Variants in SCTR observed in about 807,000 individuals in gnomAD.
SCTR encodes secretin receptor.
In SCTR, 56 loss-of-function variants were observed where a neutral mutation model predicts 60.8. That is an observed-to-expected ratio of 0.92 (90% CI 0.74 to 1.15). The LOEUF is 1.15. Ranked by LOEUF, SCTR falls within the 50% of genes most tolerant of loss-of-function variation. The pLI is 0.00. For missense variants in SCTR, 562 were observed against 550.4 expected, an observed-to-expected ratio of 1.02 and a Z score of -0.21; for synonymous variants, 202 against 217.0, an observed-to-expected ratio of 0.93 and a Z score of 0.61.
intron 1 of SCTR, among the ~76,000 whole-genome samples, chr2:119,521,647 A>G (rs1168401776): frequency 6.6e-6 from 1 of 152,078 alleles, no homozygotes; most frequent in Non-Finnish European, 1.5e-5. Flanking sequence ...CCCTATATGG[A>G]GTAGAGGGAG....
chr2:119,473,505 C>A lies in SCTR; in HGVS notation c.353G>T (p.Arg118Met). 1 of 1,614,142 alleles carries A rather than the reference C, an allele frequency of 6.2e-7. No individual in the cohort carries two copies. Among genetic ancestry groups the A allele is most frequent in the Non-Finnish European group, 8.5e-7 (1 of 1,179,992 alleles). ...ATTAACGCCACAGGCCAGATTAGGCCTGGGGAAGGTTTCTGACCAGCCATC... is the reference window on the plus strand; with the variant it reads ...ATTAACGCCACAGGCCAGATTAGGCATGGGGAAGGTTTCTGACCAGCCATC... ...TQDGWSETFP[R>M]PNLACGVNVN... The change falls in exon 4 of 13, where the codon AGG (arginine) becomes ATG (methionine). Residue 118 changes from arginine (R) to methionine (M), a missense_variant. Coordinates refer to ENST00000019103, the MANE Select transcript of SCTR (RefSeq NM_002980.3).
chr2:119,456,038 T>A (rs1306757527), intron 7 of SCTR, among the ~76,000 whole-genome samples: 1 of 151,478 alleles, frequency 6.6e-6, no homozygotes, highest in East Asian at 1.9e-4. Context: ...ACCCTCAAAA[T>A]TCTGGGGAAA....
At chr2:119,523,751 G>GT (rs1679365518) in intron 1 of SCTR, among the ~76,000 whole-genome samples, 1 of 151,998 alleles carries the variant, frequency 6.6e-6, no homozygotes, top group Non-Finnish European at 1.5e-5. Context: ...TTCTTTGTCT[G>GT]TAAAGTGACG....
Position 119,500,442 on chromosome 2 carries a change from T to C in SCTR, c.73-5894A>G, listed in dbSNP as rs540012322. 6.6e-5 allele frequency among the ~76,000 whole-genome samples: 10 copies of C among 152,360 alleles called. No individual in the cohort carries two copies. In the East Asian group the frequency reaches 1.9e-3, roughly 29 times the overall value. ...CAGTCTCATGTTTATTGCAGCACTATTCACAATAGCCAAGATATGGAATCA... is the reference window on the plus strand; with the variant it reads ...CAGTCTCATGTTTATTGCAGCACTACTCACAATAGCCAAGATATGGAATCA... On this transcript the variant is annotated intron_variant, in intron 1 of 12. Coordinates refer to ENST00000019103, the MANE Select transcript of SCTR (RefSeq NM_002980.3).
chr2:119,481,918 T>C (rs1335118548), intron 2 of SCTR, among the ~76,000 whole-genome samples: 1 of 152,200 alleles, frequency 6.6e-6, no homozygotes, highest in African/African-American at 2.4e-5. Context: ...GGTGCTGTGC[T>C]GATGGGGAGG....
intron 7 of SCTR, among the ~76,000 whole-genome samples, chr2:119,461,277 C>G (rs935525718): frequency 6.6e-6 from 1 of 152,146 alleles, no homozygotes; most frequent in Non-Finnish European, 1.5e-5. Context: ...TAAAGGCAGA[C>G]GAGGCAACAA....
chr2:119,511,202 A>T (rs1333318587), intron 1 of SCTR, among the ~76,000 whole-genome samples: 1 of 151,356 alleles, frequency 6.6e-6, no homozygotes, highest in Non-Finnish European at 1.5e-5. Flanking sequence ...TCTCTTTGAG[A>T]TCTCCGTCTC....
intron 1 of SCTR, among the ~76,000 whole-genome samples, chr2:119,509,986 C>CT (rs369904458): frequency 0.018 from 2,608 of 147,532 alleles, 33 homozygotes; most frequent in South Asian, 0.036. Context: ...TCAGAATTTC[C>CT]TTTTTTTTTT....
Position 119,452,085 on chromosome 2 carries a change from G to T in SCTR, c.852-6C>A, listed in dbSNP as rs773906581. On this transcript the variant is annotated splice_polypyrimidine_tract_variant and splice_region_variant and intron_variant, in intron 8 of 12. Coordinates refer to ENST00000019103, the MANE Select transcript of SCTR (RefSeq NM_002980.3). Reference sequence around the variant, plus strand: ...TGGCATTGATGTCCCAGCACCTAAGGGAGGGACAGCTGGGCATGGTTATGA... The same window carrying T: ...TGGCATTGATGTCCCAGCACCTAAGTGAGGGACAGCTGGGCATGGTTATGA... 1 of 1,591,826 alleles carries T rather than the reference G, an allele frequency of 6.3e-7. No homozygotes were observed. The highest frequency in any genetic ancestry group is 1.7e-5 in the Admixed American group (1 of 59,060).
Position 119,439,940 on chromosome 2 carries a change from TG to T in SCTR, c.*176del. ...GCAAACGAACCAAATCCCAGGCCCT[TG>T]TCCTGCCCCACAGTGCCTCACATCC... On this transcript the variant is annotated 3_prime_UTR_variant, in exon 13 of 13. Coordinates refer to ENST00000019103, the MANE Select transcript of SCTR (RefSeq NM_002980.3). 1 of 631,848 alleles carries T rather than the reference TG, an allele frequency of 1.6e-6. No homozygotes were observed. The highest frequency in any genetic ancestry group is 2.3e-5 in the South Asian group (1 of 43,720). The allele number at this position is 631,848 out of a possible 1,614,324, so 39.1% of individuals were successfully genotyped here. A position where few individuals can be genotyped will look rare whatever the true frequency, so the allele number is the denominator to read the frequency against.
At chr2:119,451,308 A>G (rs1683159822) in intron 9 of SCTR, among the ~76,000 whole-genome samples, 1 of 152,188 alleles carries the variant, frequency 6.6e-6, no homozygotes, top group Non-Finnish European at 1.5e-5. Context: ...CCCTATGCTG[A>G]ACCATACCCA....
chr2:119,458,203 G>A (rs571977842), intron 7 of SCTR, among the ~76,000 whole-genome samples: 120 of 152,186 alleles, frequency 7.9e-4, no homozygotes, highest in Non-Finnish European at 1.3e-3. Flanking sequence ...CCACTCAGGC[G>A]GCTGAGGCAG....
At chr2:119,523,596 G>A (rs904672191) in intron 1 of SCTR, among the ~76,000 whole-genome samples, 1 of 151,690 alleles carries the variant, frequency 6.6e-6, no homozygotes, top group Non-Finnish European at 1.5e-5. Flanking sequence ...TCCTGCCAGA[G>A]CTCCCTCAGG....
chr2:119,453,436 C>A, intron 7 of SCTR, 89 bp from the exon 8 acceptor site: 3 of 1,007,552 alleles, frequency 3.0e-6, no homozygotes, highest in Non-Finnish European at 4.7e-6. Context: ...TTACCCCAGC[C>A]CAGCTACTGA....
At chr2:119,518,960 G>A (rs1335800190) in intron 1 of SCTR, among the ~76,000 whole-genome samples, 2 of 152,118 alleles carry the variant, frequency 1.3e-5, no homozygotes, top group Non-Finnish European at 2.9e-5. Context: ...CGATGCCAAA[G>A]CAGGTGGACT....
chr2:119,496,199 G>A (rs746698030), intron 1 of SCTR, among the ~76,000 whole-genome samples: 1 of 152,236 alleles, frequency 6.6e-6, no homozygotes, highest in Non-Finnish European at 1.5e-5. Flanking sequence ...CTGCCTGTTA[G>A]TTCACTGGTC....
At chr2:119,507,916 A>T (rs143026942) in intron 1 of SCTR, among the ~76,000 whole-genome samples, 3,634 of 152,104 alleles carry the variant, frequency 0.024, 65 homozygotes, top group Middle Eastern at 0.044. Flanking sequence ...TGACCTCGTG[A>T]TCTGCCCATC....
chr2:119,479,205 C>T, intron 2 of SCTR: 1 of 1,098,306 alleles, frequency 9.1e-7, no homozygotes, highest in South Asian at 4.1e-5. Flanking sequence ...ATAAGCTTTG[C>T]AAGTAAAGGT....
At chr2:119,521,763 C>T (rs1454542669) in intron 1 of SCTR, among the ~76,000 whole-genome samples, 4 of 152,148 alleles carry the variant, frequency 2.6e-5, no homozygotes, top group Admixed American at 1.3e-4. Flanking sequence ...TTTGAACACA[C>T]TTAGATTTCA....
Sources: allele counts gnomAD v4.1 joint callset (sites outside exome capture counted in the v4.1 genomes callset), GRCh38; gene constraint gnomAD v4.1.1; transcripts MANE v1.5; gene names NCBI Gene and HGNC (gene_info 2026-07-23, HGNC 2026-07-21).